The following RASEF variants were observed in gnomAD, a reference collection of about 807,000 sequenced individuals.
The protein encoded by RASEF is RAS and EF-hand domain containing, also known as ras and EF-hand domain-containing protein.
In RASEF, 68 loss-of-function variants were observed where a neutral mutation model predicts 90.1. That is an observed-to-expected ratio of 0.75 (90% CI 0.62 to 0.92). The LOEUF is 0.92. RASEF is among the 40% of genes least tolerant of loss of function. RASEF has a pLI of 0.00. For missense variants in RASEF, 949 were observed against 937.2 expected (o/e 1.01, Z -0.16); for synonymous variants, 331 against 345.2 (o/e 0.96, Z 0.46).
chr9:83,087,037 TAC>T, the RASEF span, among the ~76,000 whole-genome samples: 1 of 152,170 alleles, frequency 6.6e-6, no homozygotes. Context: ...TGATAGAATA[TAC>T]AGAGCCACTT....
chr9:83,008,772 A>G lies in RASEF; in HGVS notation c.959+869T>C, dbSNP rs368768772. Among the ~76,000 whole-genome samples the G allele has an allele frequency of 5.3e-5, 8 of 151,770 alleles. No individual in the cohort carries two copies. In the East Asian group the frequency reaches 1.6e-3, roughly 30 times the overall value. ...AACAAAACCTTTTCTGTGATCACACAGCAATTAACCCAAACCATGACTACG... is the reference window on the plus strand; with the variant it reads ...AACAAAACCTTTTCTGTGATCACACGGCAATTAACCCAAACCATGACTACG... On this transcript the variant is annotated intron_variant, in intron 6 of 16. Transcript: ENST00000376447.
At chr9:83,129,331 C>T in the RASEF span, among the ~76,000 whole-genome samples, 22 of 150,520 alleles carry the variant, frequency 1.5e-4, no homozygotes, top group East Asian at 5.9e-4. Context: ...GGCATGAGCC[C>T]GGGAGGCGGA....
At chr9:83,164,373 A>ATATATATATATATATG in the RASEF span, among the ~76,000 whole-genome samples, 73 of 141,938 alleles carry the variant, frequency 5.1e-4, no homozygotes, top group Non-Finnish European at 7.1e-4. Flanking sequence ...ATATATATAT[A>ATATATATATATATATG]TGTGTGTGTG....
chr9:83,119,172 ATT>A, the RASEF span, among the ~76,000 whole-genome samples: 55,942 of 119,160 alleles, frequency 0.47, 11,263 homozygotes, highest in East Asian at 0.7. Flanking sequence ...CATGCGGGCT[ATT>A]TTTTTTTTTT....
At chr9:83,154,744 G>A in the RASEF span, among the ~76,000 whole-genome samples, 1 of 152,108 alleles carries the variant, frequency 6.6e-6, no homozygotes, top group East Asian at 1.9e-4. Flanking sequence ...TCTTTGCATT[G>A]GCATACTATT....
At chr9:82,992,610 G>C (rs1436293184) in intron 15 of RASEF, among the ~76,000 whole-genome samples, 1 of 152,152 alleles carries the variant, frequency 6.6e-6, no homozygotes. Context: ...AAGGTTTCTA[G>C]GAACTAGGTG....
intron 9 of RASEF, among the ~76,000 whole-genome samples, chr9:83,003,458 T>C (rs1044178197): frequency 6.6e-6 from 1 of 152,236 alleles, no homozygotes; most frequent in African/African-American, 2.4e-5. Flanking sequence ...GTTGTATACC[T>C]TTCCCCCCAA....
chr9:83,002,919 A>T (rs1772842374), intron 9 of RASEF, among the ~76,000 whole-genome samples: 2 of 152,208 alleles, frequency 1.3e-5, no homozygotes, highest in Non-Finnish European at 2.9e-5. Flanking sequence ...AAACATAGGT[A>T]CAGGTCAAAC....
the RASEF span, among the ~76,000 whole-genome samples, chr9:83,171,552 T>G: frequency 6.6e-6 from 1 of 151,900 alleles, no homozygotes; most frequent in Non-Finnish European, 1.5e-5. Flanking sequence ...AGTGAAGGCA[T>G]CAGGTCCTGG....
the RASEF span, among the ~76,000 whole-genome samples, chr9:83,207,017 T>C: frequency 6.6e-6 from 1 of 152,092 alleles, no homozygotes; most frequent in Admixed American, 6.5e-5. Flanking sequence ...ATTCAGATAG[T>C]CTAGGACCCT....
intron 7 of RASEF, among the ~76,000 whole-genome samples, chr9:83,005,819 A>C (rs1291845281): frequency 2.0e-5 from 3 of 152,134 alleles, no homozygotes; most frequent in Non-Finnish European, 4.4e-5. Flanking sequence ...AAGCTCCCTA[A>C]ATGCCTGAAC....
intron 12 of RASEF, among the ~76,000 whole-genome samples, chr9:82,998,741 G>A (rs1010513504): frequency 6.6e-6 from 1 of 151,690 alleles, no homozygotes; most frequent in African/African-American, 2.4e-5. Flanking sequence ...TCATATTTGT[G>A]TGTGTGTGTG....
chr9:83,071,860 G>A, the RASEF span, among the ~76,000 whole-genome samples: 14 of 152,144 alleles, frequency 9.2e-5, no homozygotes, highest in African/African-American at 3.1e-4. Context: ...AATATTCAAT[G>A]AGTCTTCTTC....
At chr9:83,132,807 T>C in the RASEF span, among the ~76,000 whole-genome samples, 2 of 152,230 alleles carry the variant, frequency 1.3e-5, no homozygotes, top group African/African-American at 2.4e-5. Context: ...TGTAGATTTC[T>C]CTCTTTCCAG....
At chr9:83,077,899 T>C in the RASEF span, among the ~76,000 whole-genome samples, 2 of 152,176 alleles carry the variant, frequency 1.3e-5, no homozygotes, top group African/African-American at 4.8e-5. Flanking sequence ...GAAGGAGACA[T>C]GAGAACTAAG....
intron 16 of RASEF, among the ~76,000 whole-genome samples, chr9:82,989,084 GTCCATT>G (rs1326494886): frequency 6.6e-5 from 10 of 152,148 alleles, no homozygotes; most frequent in Non-Finnish European, 1.5e-4. Flanking sequence ...GACTCCCAAA[GTCCATT>G]TCCTGATTCT....
chr9:83,213,118 A>T, the RASEF span, among the ~76,000 whole-genome samples: 1 of 151,952 alleles, frequency 6.6e-6, no homozygotes, highest in Non-Finnish European at 1.5e-5. Context: ...GAAAGAAAAC[A>T]ACTAGGCACA....
the RASEF span, among the ~76,000 whole-genome samples, chr9:83,165,539 T>C: frequency 5.9e-5 from 9 of 152,170 alleles, no homozygotes; most frequent in Non-Finnish European, 1.2e-4. Flanking sequence ...TGTAGGCTTA[T>C]ATTAGAAATG....
At chr9:83,030,088 G>C (rs189074819) in intron 1 of RASEF, among the ~76,000 whole-genome samples, 22 of 152,266 alleles carry the variant, frequency 1.4e-4, no homozygotes, top group African/African-American at 5.3e-4. Context: ...ACCGAGTGGG[G>C]GGATGTGGTG....
Sources: gnomAD v4.1 joint callset for allele counts (sites outside exome capture counted in the v4.1 genomes callset) on GRCh38, gnomAD v4.1.1 for gene constraint, MANE v1.5 for transcripts, NCBI Gene and HGNC (gene_info 2026-07-23, HGNC 2026-07-21) for gene names.